The following ZNF711 variants were observed in gnomAD, a reference collection of about 807,000 sequenced individuals.
ZNF711 encodes the protein ZFX family zinc finger ZNF711, also known as zinc finger protein 711.
In ZNF711, 3 loss-of-function variants were observed where a neutral mutation model predicts 43.5. The ratio of observed to expected loss-of-function variants is 0.07; its 90% CI spans 0.03 to 0.18. ZNF711 has a LOEUF of 0.18. ZNF711 is among the 10% of genes least tolerant of loss of function. The pLI, the probability that ZNF711 is intolerant of heterozygous loss-of-function variation, is 1.00. For missense variants in ZNF711, 412 were observed against 604.0 expected (o/e 0.68, Z 3.33); for synonymous variants, 209 against 207.7 (o/e 1.01, Z -0.06).
At chrX:85,260,913 A>G (rs1930584472) in intron 5 of ZNF711, among the ~76,000 whole-genome samples, 1 of 111,597 alleles carries the variant, frequency 9.0e-6, no homozygotes, top group Admixed American at 9.6e-5. Context: ...AGTCTTACCA[A>G]TAACAGTCAA....
chrX:85,265,211 T>A lies in ZNF711; in HGVS notation c.872T>A (p.Val291Asp), dbSNP rs765585369. Residue 291 changes from valine to aspartate, a missense_variant, in exon 7 of 11, where the codon GTT becomes GAT. Coordinates refer to ENST00000674551, the MANE Select transcript of ZNF711 (RefSeq NM_001330574.2). ...AGCCGAATGCAGCGGGAGAAGATGG[T>A]TTACATGGCAGTTAAAGATTCTTCT... ...DQSRMQREKM[V>D]YMAVKDSSQE... 8.3e-7 allele frequency: 1 copy of A among 1,206,534 alleles called. No individual in the cohort carries two copies. The highest frequency in any genetic ancestry group is 1.8e-5 in the South Asian group (1 of 56,688).
At position 85,264,411 on chromosome X, in the gene ZNF711, T is replaced by C; in HGVS notation, c.759T>C (p.Ala253=). ...AAGTGTATATATTTAAAGCGGAGGCTGAAGATGATGTTGAAATAGGTACAA... is the reference window on the plus strand; with the variant it reads ...AAGTGTATATATTTAAAGCGGAGGCCGAAGATGATGTTGAAATAGGTACAA... ...VIKVYIFKAE[A]EDDVEIGGTE... Residue 253 remains alanine, a synonymous_variant, in exon 6 of 11, where the codon GCT becomes GCC. Transcript: ENST00000674551. 3.3e-6 allele frequency: 4 copies of C among 1,204,856 alleles called. No individual in the cohort carries two copies. The highest frequency in any genetic ancestry group is 1.7e-5 in the African/African-American group (1 of 57,490).
intron 4 of ZNF711, among the ~76,000 whole-genome samples, chrX:85,250,197 CT>C (rs1403055832): frequency 9.0e-6 from 1 of 111,659 alleles, no homozygotes; most frequent in African/African-American, 3.3e-5. Flanking sequence ...GTATGAGTGC[CT>C]TTGGAGGCGT....
Position 85,244,121 on chromosome X carries a change from G to A in ZNF711, c.-476G>A. 1 of 150,654 alleles carries A rather than the reference G, an allele frequency of 6.6e-6. No individual in the cohort carries two copies. Among genetic ancestry groups the A allele is most frequent in the East Asian group, 1.7e-4 (1 of 5,833 alleles). 12.4% of individuals were successfully genotyped at this position (150,654 alleles called of 1,213,427 possible). On this transcript the variant is annotated 5_prime_UTR_variant, in exon 1 of 11. Coordinates refer to ENST00000674551, the MANE Select transcript of ZNF711 (RefSeq NM_001330574.2). ...GCGGTCACAGTCCGACTGGCGGCAC[G>A]GAGGCGGCGGCGGCGGCGGCGGCGG...
intron 5 of ZNF711, 82 bp downstream of exon 5, chrX:85,255,883 T>G: frequency 1.1e-6 from 1 of 944,885 alleles, no homozygotes. Flanking sequence ...AGGGATATAT[T>G]CAATAAAAGT....
rs758475553 is a variant in ZNF711, at chrX:85,244,123, AGGCGGCGGC to A, written c.-458_-450del. On this transcript the variant is annotated 5_prime_UTR_variant, in exon 1 of 11. Transcript: ENST00000674551. ...GGTCACAGTCCGACTGGCGGCACGGAGGCGGCGGCGGCGGCGGCGGCGGCAGCGGCGGCG... is the reference window on the plus strand; with the variant it reads ...GGTCACAGTCCGACTGGCGGCACGGAGGCGGCGGCGGCGGCAGCGGCGGCG... 5.8e-4 allele frequency: 86 copies of A among 147,321 alleles called. No individual in the cohort carries two copies. Among genetic ancestry groups the A allele is most frequent in the Admixed American group, 1.1e-3 (13 of 11,324 alleles). 12.1% of individuals were successfully genotyped at this position (147,321 alleles called of 1,213,427 possible).
At position 85,265,250 on chromosome X, in the gene ZNF711, A is replaced by G; in HGVS notation, c.911A>G (p.Asp304Gly). The G allele has an allele frequency of 8.3e-7, 1 of 1,208,037 alleles. No individual in the cohort carries two copies. Among genetic ancestry groups the G allele is most frequent in the Non-Finnish European group, 1.1e-6 (1 of 893,126 alleles). Reference sequence around the variant, plus strand: ...AAAGATTCTTCTCAAGAAGAAGATGATATCAGTAAGAAAATAAGGGCACTG... The same window carrying G: ...AAAGATTCTTCTCAAGAAGAAGATGGTATCAGTAAGAAAATAAGGGCACTG... ...AVKDSSQEED[D>G]ISCAEIADEV... Residue 304 changes from aspartate to glycine, a missense_variant, in exon 7 of 11, where the codon GAT becomes GGT. Coordinates refer to ENST00000674551, the MANE Select transcript of ZNF711 (RefSeq NM_001330574.2).
intron 4 of ZNF711, among the ~76,000 whole-genome samples, chrX:85,252,954 C>A (rs1602960743): frequency 8.9e-6 from 1 of 111,891 alleles, no homozygotes; most frequent in African/African-American, 3.2e-5. Flanking sequence ...AAATAATGAA[C>A]ACTATGTGAC....
At chrX:85,257,999 G>A (rs1930322433) in intron 5 of ZNF711, among the ~76,000 whole-genome samples, 1 of 112,754 alleles carries the variant, frequency 8.9e-6, no homozygotes, top group Non-Finnish European at 1.9e-5. Flanking sequence ...ACTAAAACTA[G>A]ATCTACTGTT....
At chrX:85,263,541 A>G (rs1426716849) in intron 5 of ZNF711, among the ~76,000 whole-genome samples, 1 of 110,085 alleles carries the variant, frequency 9.1e-6, no homozygotes, top group African/African-American at 3.3e-5. Flanking sequence ...ACCTGTTTTT[A>G]TAGTCACTTA....
chrX:85,246,453 G>T (rs1291192662), intron 2 of ZNF711, among the ~76,000 whole-genome samples: 1 of 111,953 alleles, frequency 8.9e-6, no homozygotes, highest in African/African-American at 3.2e-5. Flanking sequence ...AGACTCTCCT[G>T]CCTCCTGAAT....
chrX:85,248,472 CAAAAAAAAAA>C lies in ZNF711; in HGVS notation c.79+837_79+846del, dbSNP rs1166126484. 6.0e-4 allele frequency among the ~76,000 whole-genome samples: 12 copies of C among 19,967 alleles called. 1 individual carries two copies. The highest frequency in any genetic ancestry group is 1.8e-3 in the African/African-American group (11 of 6,125). 17.3% of individuals were successfully genotyped at this position (19,967 alleles called of 115,157 possible). The stretch of plus-strand genomic sequence containing the variant: ...CTGGTGACAGAATGAGACTCAGTCT[CAAAAAAAAAA>C]AAAAAAAAAAAAAAAGACTCCTTAC... On this transcript the variant is annotated intron_variant, in intron 4 of 10. Transcript: ENST00000674551.
At chrX:85,253,522 G>A (rs759605887) in intron 4 of ZNF711, among the ~76,000 whole-genome samples, 32 of 111,161 alleles carry the variant, frequency 2.9e-4, no homozygotes, top group South Asian at 7.6e-4. Context: ...TCCTGTGATG[G>A]TGGCATCTTA....
intron 5 of ZNF711, among the ~76,000 whole-genome samples, chrX:85,261,460 A>T (rs1930640362): frequency 9.0e-6 from 1 of 111,018 alleles, no homozygotes; most frequent in Non-Finnish European, 1.9e-5. Context: ...TTTTCACTCT[A>T]TTGTGAAATA....
At chrX:85,261,301 G>T (rs1242640744) in intron 5 of ZNF711, among the ~76,000 whole-genome samples, 1 of 111,410 alleles carries the variant, frequency 9.0e-6, no homozygotes, top group Non-Finnish European at 1.9e-5. Flanking sequence ...GGACATTTAG[G>T]TTGTTTCCAC....
chrX:85,245,635 T>C (rs57141117), intron 1 of ZNF711, among the ~76,000 whole-genome samples: 1 of 111,494 alleles, frequency 9.0e-6, no homozygotes, highest in Non-Finnish European at 1.9e-5. Flanking sequence ...AAATAAGGTG[T>C]TGTTTGTGAT....
At chrX:85,269,964 A>ATG (rs1931434170) in intron 9 of ZNF711, 39 bp from the exon 10 acceptor site, 1 of 1,197,748 alleles carries the variant, frequency 8.3e-7, no homozygotes, top group African/African-American at 1.8e-5. Context: ...AAAAGTATAA[A>ATG]TGTATGTGAT....
chrX:85,257,247 G>A (rs896616140), intron 5 of ZNF711, among the ~76,000 whole-genome samples: 4 of 110,448 alleles, frequency 3.6e-5, no homozygotes, highest in African/African-American at 9.9e-5. Context: ...GGATTTGTAC[G>A]GGTATGAATG....
At chrX:85,264,942 T>C (rs182671097) in intron 6 of ZNF711, among the ~76,000 whole-genome samples, 176 bp from the exon 7 acceptor site, 5 of 111,584 alleles carry the variant, frequency 4.5e-5, no homozygotes, top group Non-Finnish European at 9.4e-5. Flanking sequence ...CAATTGTCAT[T>C]TCTCAGTGAT....
Sources: allele counts gnomAD v4.1 joint callset (sites outside exome capture counted in the v4.1 genomes callset), GRCh38; gene constraint gnomAD v4.1.1; transcripts MANE v1.5; gene names NCBI Gene and HGNC (gene_info 2026-07-23, HGNC 2026-07-21).